ZC3H12B: variants seen among roughly 807,000 people sequenced by gnomAD.
The protein encoded by ZC3H12B is probable ribonuclease ZC3H12B.
A neutral mutation model predicts 43.9 loss-of-function variants in ZC3H12B; 7 were observed. That is an observed-to-expected ratio of 0.16 (90% CI 0.09 to 0.30). The LOEUF (loss-of-function observed/expected upper bound fraction) is 0.30, where lower values mean the gene tolerates loss of function less well. Ranked by LOEUF, ZC3H12B falls within the 10% of genes least tolerant of loss-of-function variation. The pLI, the probability that ZC3H12B is intolerant of heterozygous loss-of-function variation, is 1.00. For missense variants in ZC3H12B, 475 were observed against 670.2 expected (o/e 0.71, Z 3.22); for synonymous variants, 222 against 241.7 (o/e 0.92, Z 0.76).
chrX:65,324,819 C>A, the ZC3H12B span, among the ~76,000 whole-genome samples: 1 of 110,093 alleles, frequency 9.1e-6, no homozygotes, highest in Non-Finnish European at 1.9e-5. Flanking sequence ...TCCATTTGAT[C>A]AAAACTGTTG....
the ZC3H12B span, among the ~76,000 whole-genome samples, chrX:65,117,383 C>T: frequency 1.8e-5 from 2 of 111,904 alleles, no homozygotes; most frequent in African/African-American, 6.5e-5. Flanking sequence ...TGTTCATATC[C>T]TTCGCCCACT....
the ZC3H12B span, among the ~76,000 whole-genome samples, chrX:65,057,729 G>A: frequency 3.6e-5 from 4 of 111,950 alleles, no homozygotes; most frequent in Admixed American, 2.8e-4. Flanking sequence ...CCAATCAGAT[G>A]TAGATTTGGT....
the ZC3H12B span, among the ~76,000 whole-genome samples, chrX:65,052,535 G>T: frequency 9.0e-6 from 1 of 110,769 alleles, no homozygotes; most frequent in Admixed American, 9.6e-5. Flanking sequence ...TGTTATGTTT[G>T]TCTTTCTGTG....
the ZC3H12B span, among the ~76,000 whole-genome samples, chrX:65,127,994 A>G: frequency 8.9e-6 from 1 of 111,842 alleles, no homozygotes; most frequent in East Asian, 2.8e-4. Flanking sequence ...TTTTTCTGGC[A>G]TTTTAGGGAG....
At chrX:65,101,751 A>C in the ZC3H12B span, among the ~76,000 whole-genome samples, 39 of 112,257 alleles carry the variant, frequency 3.5e-4, no homozygotes, top group South Asian at 8.5e-3. Context: ...AGTAATTAAC[A>C]ACCTACCAAC....
chrX:65,440,307 C>T (rs889890210), intron 3 of ZC3H12B, among the ~76,000 whole-genome samples: 3 of 112,190 alleles, frequency 2.7e-5, no homozygotes, highest in African/African-American at 9.7e-5. Flanking sequence ...CTGCTGTTTG[C>T]AATTGGATAA....
intron 2 of ZC3H12B, among the ~76,000 whole-genome samples, chrX:65,381,631 C>CA (rs1306153351): frequency 9.0e-6 from 1 of 111,361 alleles, no homozygotes; most frequent in Non-Finnish European, 1.9e-5. Flanking sequence ...AATAGAGACA[C>CA]AAAAAAACCT....
chrX:65,502,245 C>T, exon 5 of ZC3H12B: 1 of 1,211,574 alleles, frequency 8.3e-7, no homozygotes, highest in Non-Finnish European at 1.1e-6. Flanking sequence ...ATGCAGTATC[C>T]TCCCATCTTG....
At chrX:65,472,836 A>ATG (rs1352656377) in intron 3 of ZC3H12B, among the ~76,000 whole-genome samples, 1 of 78,431 alleles carries the variant, frequency 1.3e-5, no homozygotes, top group Non-Finnish European at 2.1e-5. Flanking sequence ...ATATATATAT[A>ATG]TATATATATA....
chrX:65,399,385 T>C (rs185059113), intron 3 of ZC3H12B, among the ~76,000 whole-genome samples: 9 of 112,251 alleles, frequency 8.0e-5, no homozygotes, highest in African/African-American at 2.6e-4. Flanking sequence ...TGAATAGGCA[T>C]TTCTCAAAAG....
At chrX:65,287,052 G>A in the ZC3H12B span, among the ~76,000 whole-genome samples, 1,142 of 110,945 alleles carry the variant, frequency 0.01, 21 homozygotes, top group African/African-American at 0.036. Context: ...AATGTTACTA[G>A]ATCTAGAGAG....
intron 3 of ZC3H12B, among the ~76,000 whole-genome samples, chrX:65,435,439 C>A (rs781677408): frequency 1.4e-4 from 16 of 111,780 alleles, no homozygotes; most frequent in African/African-American, 4.9e-4. Flanking sequence ...TCTTTATATA[C>A]AGTTCATACA....
the ZC3H12B span, among the ~76,000 whole-genome samples, chrX:65,098,949 T>C: frequency 9.0e-6 from 1 of 110,907 alleles, no homozygotes; most frequent in East Asian, 2.9e-4. Flanking sequence ...CAGGTCCCAC[T>C]CCCAAAGAGC....
At chrX:65,122,835 C>G in the ZC3H12B span, among the ~76,000 whole-genome samples, 8 of 111,662 alleles carry the variant, frequency 7.2e-5, no homozygotes, top group Non-Finnish European at 1.5e-4. Flanking sequence ...GAAGAGCTAA[C>G]TATCCTAAAT....
At chrX:65,241,454 C>CCTG in the ZC3H12B span, among the ~76,000 whole-genome samples, 9 of 109,203 alleles carry the variant, frequency 8.2e-5, no homozygotes, top group African/African-American at 3.0e-4. Flanking sequence ...AGCTTCCCCT[C>CCTG]CTGGGGGCTT....
At chrX:65,234,894 A>G in the ZC3H12B span, among the ~76,000 whole-genome samples, 11 of 110,715 alleles carry the variant, frequency 9.9e-5, no homozygotes, top group Admixed American at 8.7e-4. Flanking sequence ...TTTCCTCCCT[A>G]TGTGTTCTGA....
chrX:65,145,766 TC>T, the ZC3H12B span, among the ~76,000 whole-genome samples: 1 of 111,743 alleles, frequency 8.9e-6, no homozygotes, highest in Non-Finnish European at 1.9e-5. Flanking sequence ...GGGTACAAAA[TC>T]CTTGGCTGAT....
At chrX:65,219,798 A>C in the ZC3H12B span, among the ~76,000 whole-genome samples, 1 of 91,251 alleles carries the variant, frequency 1.1e-5, no homozygotes, top group Non-Finnish European at 2.1e-5. Flanking sequence ...AGAAGCATAC[A>C]TACACACACA....
intron 2 of ZC3H12B, among the ~76,000 whole-genome samples, chrX:65,380,933 G>T (rs2066429025): frequency 9.0e-6 from 1 of 111,578 alleles, no homozygotes. Flanking sequence ...ACCCAAAACA[G>T]GAGCACCCAG....
Sources: gnomAD v4.1 joint callset for allele counts (sites outside exome capture counted in the v4.1 genomes callset) on GRCh38, gnomAD v4.1.1 for gene constraint, MANE v1.5 for transcripts, NCBI Gene and HGNC (gene_info 2026-07-23, HGNC 2026-07-21) for gene names.